The following STPG2 variants were observed in gnomAD, a reference collection of about 807,000 sequenced individuals.
STPG2 encodes the protein sperm tail PG-rich repeat containing 2, also known as sperm-tail PG-rich repeat-containing protein 2.
Under a neutral mutation model 54.2 loss-of-function variants are expected in STPG2, and 56 were observed. That is an observed-to-expected ratio of 1.03 (90% CI 0.83 to 1.29). The LOEUF (loss-of-function observed/expected upper bound fraction) is 1.29, where lower values mean the gene tolerates loss of function less well. STPG2 is among the 50% of genes most tolerant of loss of function. The probability of loss-of-function intolerance (pLI) is 0.00; values close to 1 mark genes in which losing one functional copy is unlikely to be tolerated. For synonymous variants in STPG2, 200 were observed against 181.8 expected (o/e 1.10, Z -0.81); for missense variants, 596 against 544.9 (o/e 1.09, Z -0.93).
At chr4:97,478,572 A>G (rs756826291) in intron 4 of STPG2, among the ~76,000 whole-genome samples, 1 of 152,058 alleles carries the variant, frequency 6.6e-6, no homozygotes, top group African/African-American at 2.4e-5. Flanking sequence ...ATTTCAACAT[A>G]GTCTCTAAAT....
intron 3 of STPG2, among the ~76,000 whole-genome samples, chr4:98,117,345 G>A (rs1739548895): frequency 6.6e-6 from 1 of 151,816 alleles, no homozygotes. Flanking sequence ...CTGCCCTCAA[G>A]ATTTTCTTTT....
intron 10 of STPG2, among the ~76,000 whole-genome samples, chr4:97,634,064 A>G (rs762304168): frequency 1.1e-4 from 17 of 152,336 alleles, no homozygotes; most frequent in African/African-American, 3.8e-4. Flanking sequence ...AAAAGACCGC[A>G]GTAACCTCTG....
chr4:97,478,873 ATGTGTGTGTGTG>A (rs35662485), intron 4 of STPG2, among the ~76,000 whole-genome samples: 195 of 134,026 alleles, frequency 1.5e-3, no homozygotes, highest in Middle Eastern at 3.7e-3. Flanking sequence ...CAAGCCAAAT[ATGTGTGTGTGTG>A]TGTGTGTGTG....
chr4:97,487,972 A>T (rs1366658983), intron 4 of STPG2, among the ~76,000 whole-genome samples: 1 of 151,530 alleles, frequency 6.6e-6, no homozygotes, highest in Admixed American at 6.6e-5. Flanking sequence ...AAACCTATGT[A>T]TTTATCACCC....
intron 10 of STPG2, among the ~76,000 whole-genome samples, chr4:97,660,502 T>C (rs1324880372): frequency 6.6e-6 from 1 of 152,210 alleles, no homozygotes; most frequent in African/African-American, 2.4e-5. Flanking sequence ...TATTAGAAAC[T>C]TCTTAAACAC....
chr4:97,872,987 T>A lies in STPG2; in HGVS notation c.1045-32055A>T, dbSNP rs74616393. Among the ~76,000 whole-genome samples the A allele has an allele frequency of 6.7e-4, 101 of 151,440 alleles. 2 individuals are homozygous for A. The East Asian group carries it at 0.016, about 25-fold the overall frequency. On this transcript the variant is annotated intron_variant, in intron 8 of 10. Transcript: ENST00000295268. The stretch of plus-strand genomic sequence containing the variant: ...TGGAAACTTTTAAGTTATGAATAGA[T>A]TTCAGAACTCCAAGTCTAAGAACTA...
chr4:97,488,523 TA>T (rs1256169628), intron 4 of STPG2, among the ~76,000 whole-genome samples: 3 of 151,668 alleles, frequency 2.0e-5, no homozygotes, highest in Admixed American at 6.6e-5. Context: ...ATAGACAAAA[TA>T]GAAATTTATG....
chr4:97,644,251 T>A (rs938326742), intron 10 of STPG2, among the ~76,000 whole-genome samples: 1 of 151,840 alleles, frequency 6.6e-6, no homozygotes, highest in African/African-American at 2.4e-5. Context: ...TGAAAAAAAA[T>A]GTTTGTAAAG....
At chr4:97,585,645 G>T (rs985801656) in intron 10 of STPG2, among the ~76,000 whole-genome samples, 1 of 151,870 alleles carries the variant, frequency 6.6e-6, no homozygotes, top group African/African-American at 2.4e-5. Context: ...ATATGTTTTA[G>T]GTTCCCCTAT....
At chr4:97,779,731 A>T (rs570874387) in intron 9 of STPG2, among the ~76,000 whole-genome samples, 299 of 152,240 alleles carry the variant, frequency 2.0e-3, no homozygotes, top group African/African-American at 7.0e-3. Flanking sequence ...ACAGCGGATA[A>T]CTCAGCAGAA....
At position 97,792,648 on chromosome 4, in the gene STPG2, AGCAAGGCCT is replaced by A. The variant is rs879711651; in HGVS notation, c.1204+48116_1204+48124del. Reference sequence around the variant, plus strand: ...CTAAAAGCCTTCCATCCCACTGTGAAGCAAGGCCTACCAAGTCATACAATATCTAGATAT... The same window carrying A: ...CTAAAAGCCTTCCATCCCACTGTGAAACCAAGTCATACAATATCTAGATAT... On this transcript the variant is annotated intron_variant, in intron 9 of 10. Transcript: ENST00000295268. Among the ~76,000 whole-genome samples the A allele has an allele frequency of 2.5e-3, 377 of 152,272 alleles. 3 individuals are homozygous for A. In the East Asian group the frequency reaches 0.033, roughly 13 times the overall value.
At chr4:97,811,884 A>T (rs2149097581) in intron 9 of STPG2, among the ~76,000 whole-genome samples, 1 of 152,236 alleles carries the variant, frequency 6.6e-6, no homozygotes, top group Admixed American at 6.5e-5. Flanking sequence ...AAACTTCAGT[A>T]TGTTTTCTGA....
chr4:97,655,309 G>C (rs1011301431), intron 10 of STPG2, among the ~76,000 whole-genome samples: 1 of 152,006 alleles, frequency 6.6e-6, no homozygotes, highest in Non-Finnish European at 1.5e-5. Context: ...AGGTGACCTA[G>C]ACTTTCTATA....
At chr4:97,728,112 T>C (rs1303291140) in intron 9 of STPG2, among the ~76,000 whole-genome samples, 1 of 152,028 alleles carries the variant, frequency 6.6e-6, no homozygotes, top group African/African-American at 2.4e-5. Context: ...CCATAAAGTA[T>C]GAACCAAAGA....
intron 5 of STPG2, among the ~76,000 whole-genome samples, chr4:98,051,919 C>T (rs888337372): frequency 2.0e-5 from 3 of 151,860 alleles, no homozygotes; most frequent in African/African-American, 4.8e-5. Flanking sequence ...GAAACGCTGT[C>T]GCTACTAAAA....
intron 9 of STPG2, among the ~76,000 whole-genome samples, chr4:97,799,282 G>A (rs1201206591): frequency 1.3e-5 from 2 of 152,216 alleles, no homozygotes; most frequent in Non-Finnish European, 2.9e-5. Context: ...TAGCATCGAT[G>A]GTCTTTACAG....
chr4:97,564,201 C>T (rs1732352463), intron 10 of STPG2, among the ~76,000 whole-genome samples: 1 of 152,104 alleles, frequency 6.6e-6, no homozygotes, highest in Admixed American at 6.5e-5. Context: ...CCTTCTTTGT[C>T]TCTTTTGATC....
intron 10 of STPG2, among the ~76,000 whole-genome samples, chr4:97,577,515 G>A (rs1732752773): frequency 6.6e-6 from 1 of 152,128 alleles, no homozygotes; most frequent in African/African-American, 2.4e-5. Context: ...GTTCTCAGTT[G>A]TGGGAGCTAA....
intron 4 of STPG2, among the ~76,000 whole-genome samples, chr4:97,500,738 A>C (rs955117310): frequency 6.6e-6 from 1 of 152,072 alleles, no homozygotes; most frequent in Non-Finnish European, 1.5e-5. Flanking sequence ...CTAATTAATA[A>C]TCAGATAAGA....
Sources: allele counts gnomAD v4.1 joint callset (sites outside exome capture counted in the v4.1 genomes callset), GRCh38; gene constraint gnomAD v4.1.1; transcripts MANE v1.5; gene names NCBI Gene and HGNC (gene_info 2026-07-23, HGNC 2026-07-21).